TRHDE: variants seen among roughly 807,000 people sequenced by gnomAD.
The protein encoded by TRHDE is thyrotropin releasing hormone degrading enzyme.
A neutral mutation model predicts 125.7 loss-of-function variants in TRHDE; 72 were observed. The ratio of observed to expected loss-of-function variants is 0.57; its 90% CI spans 0.47 to 0.70. The LOEUF is 0.70. TRHDE is among the 30% of genes least tolerant of loss of function. The pLI, the probability that TRHDE is intolerant of heterozygous loss-of-function variation, is 0.00. For missense variants in TRHDE, 1,110 were observed against 1,327.1 expected (o/e 0.84, Z 2.54); for synonymous variants, 509 against 509.1 (o/e 1.00, Z 0.00).
chr12:72,089,843 C>CT (rs765971112), intron 1 of TRHDE, among the ~76,000 whole-genome samples: 5 of 152,174 alleles, frequency 3.3e-5, no homozygotes, highest in Non-Finnish European at 7.3e-5. Context: ...ATCTGCTTTC[C>CT]TTTCTGATAG....
At chr12:72,456,691 T>C (rs956475177) in intron 3 of TRHDE, among the ~76,000 whole-genome samples, 1 of 151,702 alleles carries the variant, frequency 6.6e-6, no homozygotes, top group African/African-American at 2.4e-5. Flanking sequence ...TTATGATTAG[T>C]ACAAAAAAAA....
chr12:72,217,749 CAT>C (rs1006044307), intron 2 of TRHDE, among the ~76,000 whole-genome samples: 9 of 152,056 alleles, frequency 5.9e-5, no homozygotes, highest in African/African-American at 2.2e-4. Flanking sequence ...ACATGAGAAA[CAT>C]AAAAATTTTA....
intron 2 of TRHDE, among the ~76,000 whole-genome samples, chr12:72,195,870 A>G (rs185621225): frequency 6.6e-6 from 1 of 152,198 alleles, no homozygotes; most frequent in East Asian, 1.9e-4. Flanking sequence ...TTTCATTTAA[A>G]TCTTTAATCA....
chr12:72,198,002 T>A (rs577560961), intron 2 of TRHDE, among the ~76,000 whole-genome samples: 5 of 152,264 alleles, frequency 3.3e-5, no homozygotes, highest in African/African-American at 1.2e-4. Flanking sequence ...CCAACATGAA[T>A]TTACTTTCTG....
chr12:72,240,305 T>TTATATATATATATATA (rs56969276), intron 2 of TRHDE, among the ~76,000 whole-genome samples: 9 of 111,358 alleles, frequency 8.1e-5, no homozygotes, highest in Non-Finnish European at 1.8e-4. Context: ...TTCTCACATT[T>TTATATATATATATATA]TATATATATA....
At chr12:72,174,656 G>A (rs1876949572) in intron 2 of TRHDE, among the ~76,000 whole-genome samples, 1 of 151,990 alleles carries the variant, frequency 6.6e-6, no homozygotes, top group South Asian at 2.1e-4. Flanking sequence ...TCTTTTAGTT[G>A]GAATTTGTAT....
At chr12:72,442,828 T>C (rs1222874760) in intron 3 of TRHDE, among the ~76,000 whole-genome samples, 2 of 151,826 alleles carry the variant, frequency 1.3e-5, no homozygotes, top group African/African-American at 4.8e-5. Flanking sequence ...TGCCTTCATA[T>C]CAGTCATCCA....
chr12:72,089,668 TGCC>T (rs1295865464), intron 1 of TRHDE, among the ~76,000 whole-genome samples: 1 of 152,184 alleles, frequency 6.6e-6, no homozygotes, highest in Admixed American at 6.5e-5. Flanking sequence ...ACCACTTAAC[TGCC>T]ACTCCTCTCC....
chr12:72,291,114 G>A (rs558145014), intron 2 of TRHDE, among the ~76,000 whole-genome samples: 31 of 152,276 alleles, frequency 2.0e-4, no homozygotes, highest in African/African-American at 7.2e-4. Flanking sequence ...CAGACTTGAG[G>A]TCCAGGCCTC....
intron 3 of TRHDE, among the ~76,000 whole-genome samples, chr12:72,401,608 T>A (rs1428289019): frequency 1.3e-5 from 2 of 152,186 alleles, no homozygotes; most frequent in Admixed American, 1.3e-4. Flanking sequence ...GTGATGTAAT[T>A]AATAAGAAAT....
chr12:72,435,196 A>T (rs187925862), intron 3 of TRHDE, among the ~76,000 whole-genome samples: 2 of 152,366 alleles, frequency 1.3e-5, no homozygotes, highest in East Asian at 3.9e-4. Flanking sequence ...ACTACGAATT[A>T]AAAAGAAATT....
intron 3 of TRHDE, among the ~76,000 whole-genome samples, chr12:72,460,352 A>G (rs1234410952): frequency 6.6e-6 from 1 of 152,164 alleles, no homozygotes; most frequent in East Asian, 1.9e-4. Flanking sequence ...TCCCTGCTCT[A>G]TGCTGTAGCC....
At chr12:72,175,554 C>T (rs757432098) in intron 2 of TRHDE, among the ~76,000 whole-genome samples, 2 of 152,156 alleles carry the variant, frequency 1.3e-5, no homozygotes, top group Admixed American at 6.5e-5. Flanking sequence ...TCCTGAGTCC[C>T]GGCTGCATCC....
intron 12 of TRHDE, among the ~76,000 whole-genome samples, chr12:72,594,502 G>GTTTT (rs11446527): frequency 1.6e-3 from 222 of 136,006 alleles, no homozygotes; most frequent in East Asian, 3.5e-3. Context: ...ACAGATGTGA[G>GTTTT]TTTTTTTTTT....
chr12:72,652,823 TTAATTAAAATACTA>T (rs1874558738), intron 16 of TRHDE, among the ~76,000 whole-genome samples, 179 bp from the exon 17 acceptor site: 1 of 151,916 alleles, frequency 6.6e-6, no homozygotes, highest in Non-Finnish European at 1.5e-5. Flanking sequence ...TTTAATGTTT[TTAATTAAAATACTA>T]TGAGTTTGAT....
chr12:72,231,516 G>A (rs1329071329), intron 2 of TRHDE, among the ~76,000 whole-genome samples: 2 of 152,128 alleles, frequency 1.3e-5, no homozygotes, highest in Non-Finnish European at 2.9e-5. Context: ...GGCCATTACC[G>A]CCTTAGCTGC....
chr12:72,348,015 T>C (rs1008336282), intron 2 of TRHDE, among the ~76,000 whole-genome samples: 1 of 151,970 alleles, frequency 6.6e-6, no homozygotes, highest in Non-Finnish European at 1.5e-5. Flanking sequence ...TATGTAAGGA[T>C]TTGCACTTGA....
At chr12:72,486,546 C>T (rs1235556142) in intron 5 of TRHDE, among the ~76,000 whole-genome samples, 4 of 152,160 alleles carry the variant, frequency 2.6e-5, no homozygotes, top group Admixed American at 6.6e-5. Flanking sequence ...ACAATTATTG[C>T]TAATGTAGAT....
chr12:72,389,599 C>T (rs972858634), intron 3 of TRHDE, among the ~76,000 whole-genome samples: 12 of 152,258 alleles, frequency 7.9e-5, no homozygotes, highest in South Asian at 2.1e-4. Flanking sequence ...GCAGTGTTCT[C>T]GCATGACAAA....
Sources: allele counts gnomAD v4.1 joint callset (sites outside exome capture counted in the v4.1 genomes callset), GRCh38; gene constraint gnomAD v4.1.1; transcripts MANE v1.5; gene names NCBI Gene and HGNC (gene_info 2026-07-23, HGNC 2026-07-21).